CACNA2D4: variants seen among roughly 807,000 people sequenced by gnomAD.
CACNA2D4 encodes the protein calcium voltage-gated channel auxiliary subunit alpha2delta 4.
Under a neutral mutation model 163.8 loss-of-function variants are expected in CACNA2D4, and 157 were observed. That is an observed-to-expected ratio of 0.96 (90% CI 0.84 to 1.09). The LOEUF is 1.09. Among genes scored for constraint, CACNA2D4 ranks in the 50% least tolerant of loss-of-function variants. The probability of loss-of-function intolerance (pLI) is 0.00; values close to 1 mark genes in which losing one functional copy is unlikely to be tolerated. For synonymous variants in CACNA2D4, 598 were observed against 586.9 expected, an observed-to-expected ratio of 1.02 and a Z score of -0.27; for missense variants, 1,410 against 1,479.9, an observed-to-expected ratio of 0.95 and a Z score of 0.78.
chr12:1,852,240 C>T (rs1403509501), intron 23 of CACNA2D4, among the ~76,000 whole-genome samples: 1 of 152,148 alleles, frequency 6.6e-6, no homozygotes, highest in Non-Finnish European at 1.5e-5. Context: ...CTAATTCCTT[C>T]TGGCCTTGTT....
intron 18 of CACNA2D4, among the ~76,000 whole-genome samples, chr12:1,866,074 T>G (rs956483963): frequency 1.4e-4 from 21 of 152,236 alleles, no homozygotes; most frequent in Non-Finnish European, 2.8e-4. Flanking sequence ...TGAGAAGTCC[T>G]CCTTGCCTTG....
chr12:1,820,247 G>A lies in CACNA2D4; in HGVS notation c.2552-8524C>T, dbSNP rs528893060. On this transcript the variant is annotated intron_variant, in intron 26 of 37. Transcript: ENST00000382722. The surrounding 1 kb of genome is among the most constrained non-coding windows in gnomAD (Gnocchi z 6.0). The stretch of plus-strand genomic sequence containing the variant: ...AGAGGCACAGAAGACAGGTGCAGCC[G>A]GGGGGGTGAGGGAGAGCCTGGAGGC... 616 of 147,598 alleles carry A rather than the reference G, an allele frequency of 4.2e-3. 5 individuals are homozygous for A. Among genetic ancestry groups the A allele is most frequent in the Non-Finnish European group, 6.9e-3 (467 of 67,974 alleles). The allele number at this position is 147,598 out of a possible 1,614,324, so 9.1% of individuals were successfully genotyped here.
intron 26 of CACNA2D4, among the ~76,000 whole-genome samples, chr12:1,827,013 A>T (rs1234821823): frequency 6.6e-6 from 1 of 152,208 alleles, no homozygotes; most frequent in East Asian, 1.9e-4. Context: ...GGAATTACCC[A>T]GGGACAAATC....
At chr12:1,887,620 A>G (rs1051520320) in intron 6 of CACNA2D4, among the ~76,000 whole-genome samples, 2 of 152,210 alleles carry the variant, frequency 1.3e-5, no homozygotes, top group Non-Finnish European at 2.9e-5. Flanking sequence ...ATGAAAGGAC[A>G]AATGAATGGA....
At position 1,869,870 on chromosome 12, in the gene CACNA2D4, A is replaced by G. The variant is rs1287710589; in HGVS notation, c.1878+4734T>C. 6.6e-6 allele frequency among the ~76,000 whole-genome samples: 1 copy of G among 152,220 alleles called. No individual in the cohort carries two copies. The highest frequency in any genetic ancestry group is 1.5e-5 in the Non-Finnish European group (1 of 68,040). ...CAATGTCTGCACTAAAGTCATTCTA[A>G]TTCTAACAGCTGGGTCATAACACTT... On this transcript the variant is annotated intron_variant, in intron 18 of 37. Transcript: ENST00000382722. This position sits in a 1 kb window ranked among gnomAD's most constrained non-coding sequence, Gnocchi z 4.7.
chr12:1,800,901 A>T, intron 31 of CACNA2D4, 142 bp downstream of exon 31: 1 of 723,578 alleles, frequency 1.4e-6, no homozygotes, highest in Non-Finnish European at 2.4e-6. Context: ...AGTGGCTCTG[A>T]GCAGAAGATG....
In CACNA2D4 at chr12:1,800,017, T is replaced by C. The variant is rs1863257724; in HGVS notation, c.2957A>G (p.Tyr986Cys). 1 of 1,604,794 alleles carries C rather than the reference T, an allele frequency of 6.2e-7. No homozygotes were observed. Among genetic ancestry groups the C allele is most frequent in the Non-Finnish European group, 8.5e-7 (1 of 1,175,984 alleles). The part of the protein sequence containing the change: ...LLEWSVWGSW[Y>C]DRGAEAKSVF... ...GCACTCACCCTCGGCCCCTCTGTCGTACCAGGAGCCCCAGACACTCCACTC... is the reference window on the plus strand; with the variant it reads ...GCACTCACCCTCGGCCCCTCTGTCGCACCAGGAGCCCCAGACACTCCACTC... Residue 986 changes from tyrosine (Y) to cysteine (C), a missense_variant, in exon 33 of 38, where the codon TAC becomes TGC. Coordinates refer to ENST00000382722, the MANE Select transcript of CACNA2D4 (RefSeq NM_172364.5).
chr12:1,804,616 G>A (rs1007887904), intron 29 of CACNA2D4, among the ~76,000 whole-genome samples: 1 of 152,248 alleles, frequency 6.6e-6, no homozygotes, highest in Admixed American at 6.5e-5. Context: ...AATTATGGCA[G>A]CCATGTGCTC....
Position 1,918,354 on chromosome 12 carries a change from CA to C in CACNA2D4, c.119del (p.Met40SerfsTer20). ...TCTGCACAAAGGCCCAGGCCACGGGCATTGGCTGGAGGGGAATCCAGCGGCT... is the reference window on the plus strand; with the variant it reads ...TCTGCACAAAGGCCCAGGCCACGGGCTTGGCTGGAGGGGAATCCAGCGGCT... ...SSSRWIPLQP[M>X]PVAWAFVQKT... On this transcript the variant is annotated frameshift_variant, in exon 1 of 38. Coordinates refer to ENST00000382722, the MANE Select transcript of CACNA2D4 (RefSeq NM_172364.5). LOFTEE classifies it high-confidence loss of function. The C allele has an allele frequency of 6.2e-7, 1 of 1,607,678 alleles. No individual in the cohort carries two copies. The highest frequency in any genetic ancestry group is 8.5e-7 in the Non-Finnish European group (1 of 1,177,132).
At chr12:1,842,244 G>T (rs1214322612) in intron 25 of CACNA2D4, among the ~76,000 whole-genome samples, 3 of 152,174 alleles carry the variant, frequency 2.0e-5, no homozygotes, top group African/African-American at 4.8e-5. Context: ...GAGGTGGGCT[G>T]TGGGCATATT....
chr12:1,914,469 G>A (rs1189918257), intron 2 of CACNA2D4, among the ~76,000 whole-genome samples: 5 of 152,130 alleles, frequency 3.3e-5, no homozygotes, highest in African/African-American at 4.8e-5. Flanking sequence ...TCTACGGCCC[G>A]AGCAGCTTCC....
At chr12:1,811,598 G>C in intron 27 of CACNA2D4, 64 bp downstream of exon 27, 1 of 1,483,046 alleles carries the variant, frequency 6.7e-7, no homozygotes, top group Non-Finnish European at 9.2e-7. Context: ...GAGGGAGAGG[G>C]GGTCTCACAC....
chr12:1,812,901 C>T (rs533750504), intron 26 of CACNA2D4, among the ~76,000 whole-genome samples: 38 of 152,302 alleles, frequency 2.5e-4, no homozygotes, highest in Admixed American at 1.1e-3. Context: ...ACGCTGTGTC[C>T]GTCACAGTCA....
At chr12:1,830,941 C>G (rs1323014857) in intron 26 of CACNA2D4, 5 of 1,597,488 alleles carry the variant, frequency 3.1e-6, no homozygotes, top group Admixed American at 1.7e-5. Flanking sequence ...CAAGGGATCA[C>G]CTGCTGGATC....
chr12:1,912,664 A>G (rs563495292), intron 3 of CACNA2D4, among the ~76,000 whole-genome samples: 2 of 152,254 alleles, frequency 1.3e-5, no homozygotes, highest in South Asian at 2.1e-4. Flanking sequence ...TCCATTCCCA[A>G]AGCAATTCCT....
At chr12:1,894,837 T>C (rs1016704345) in intron 6 of CACNA2D4, among the ~76,000 whole-genome samples, 2 of 152,112 alleles carry the variant, frequency 1.3e-5, no homozygotes, top group Non-Finnish European at 2.9e-5. Flanking sequence ...AAAAAAAAGA[T>C]GCCCACTTTC....
intron 18 of CACNA2D4, among the ~76,000 whole-genome samples, chr12:1,873,546 A>T (rs888953531): frequency 5.9e-5 from 9 of 152,194 alleles, no homozygotes; most frequent in African/African-American, 2.2e-4. Context: ...ATCTACCTTT[A>T]AGCTGTCCTG....
intron 27 of CACNA2D4, 22 bp downstream of exon 27, chr12:1,811,640 C>G: frequency 6.4e-7 from 1 of 1,556,692 alleles, no homozygotes; most frequent in Non-Finnish European, 8.7e-7. Flanking sequence ...CCAGCCCCGA[C>G]CTGGCCCGAC....
intron 20 of CACNA2D4, 53 bp downstream of exon 20, chr12:1,858,524 G>T: frequency 6.5e-7 from 1 of 1,538,318 alleles, no homozygotes; most frequent in South Asian, 1.1e-5. Flanking sequence ...AGTGTCCCAT[G>T]AGAGCCCATT....
Sources: allele counts gnomAD v4.1 joint callset (sites outside exome capture counted in the v4.1 genomes callset), GRCh38; gene constraint gnomAD v4.1.1; non-coding constraint Gnocchi (gnomAD v3.1); transcripts MANE v1.5; gene names NCBI Gene and HGNC (gene_info 2026-07-23, HGNC 2026-07-21).